The following CEACAM18 variants were observed in gnomAD, a reference collection of about 807,000 sequenced individuals.
CEACAM18 encodes the protein cell adhesion molecule CEACAM18.
CEACAM18 carries 33 observed loss-of-function variants against 34.3 expected under a neutral mutation model. The ratio of observed to expected loss-of-function variants is 0.96; its 90% CI spans 0.73 to 1.29. The LOEUF is 1.29. Ranked by LOEUF, CEACAM18 falls within the 50% of genes most tolerant of loss-of-function variation. The pLI is 0.00. For synonymous variants in CEACAM18, 169 were observed against 180.9 expected (o/e 0.93, Z 0.53); for missense variants, 474 against 485.0 (o/e 0.98, Z 0.21).
chr19:51,488,919 A>G (rs1990045201), intron 5 of CEACAM18, among the ~76,000 whole-genome samples: 1 of 152,076 alleles, frequency 6.6e-6, no homozygotes, highest in South Asian at 2.1e-4. Flanking sequence ...ATAAACATGT[A>G]TAAAATATAG....
At chr19:51,481,587 G>A in exon 3 of CEACAM18, 1 of 1,614,006 alleles carries the variant, frequency 6.2e-7, no homozygotes, top group African/African-American at 1.3e-5. Flanking sequence ...CAGCCGCTAT[G>A]ACAGAACAAT....
chr19:51,486,215 A>AC (rs1989997792), intron 5 of CEACAM18, among the ~76,000 whole-genome samples: 1 of 151,964 alleles, frequency 6.6e-6, no homozygotes, highest in Non-Finnish European at 1.5e-5. Flanking sequence ...TGATGATGAC[A>AC]ATGGTGATGA....
intron 5 of CEACAM18, among the ~76,000 whole-genome samples, chr19:51,487,630 A>G (rs12327789): frequency 0.079 from 11,938 of 152,000 alleles, 576 homozygotes; most frequent in African/African-American, 0.13. Flanking sequence ...GCCAAGTGTG[A>G]TGGCAGTCAC....
chr19:51,482,966 GA>G (rs1283042430), intron 3 of CEACAM18, 50 bp from the exon 4 acceptor site: 5 of 1,588,586 alleles, frequency 3.1e-6, no homozygotes, highest in Non-Finnish European at 3.4e-6. Context: ...CATGAGACGG[GA>G]CGCCGAGGGG....
intron 5 of CEACAM18, 95 bp downstream of exon 5, chr19:51,485,217 G>A: frequency 7.8e-7 from 1 of 1,282,340 alleles, no homozygotes; most frequent in East Asian, 2.6e-5. Flanking sequence ...GAGCCAGAAG[G>A]GGAGGGATAA....
At chr19:51,490,174 G>C (rs907695726) in intron 5 of CEACAM18, among the ~76,000 whole-genome samples, 1 of 152,196 alleles carries the variant, frequency 6.6e-6, no homozygotes, top group Non-Finnish European at 1.5e-5. Context: ...ATGGGTTAAA[G>C]TATCTGTCTT....
Position 51,480,524 on chromosome 19 carries a change from C to T in CEACAM18, c.244C>T (p.Gln82Ter). 1 of 1,613,990 alleles carries T rather than the reference C, an allele frequency of 6.2e-7. No homozygotes were observed. Among genetic ancestry groups the T allele is most frequent in the South Asian group, 1.1e-5 (1 of 91,078 alleles). Reference sequence around the variant, plus strand: ...TATCAGCCACAAACCGCCCAGTGCCCAGCAGCCTGGGCCCATGTACACTGG... The same window carrying T: ...TATCAGCCACAAACCGCCCAGTGCCTAGCAGCCTGGGCCCATGTACACTGG... The change falls in exon 2 of 6, where the codon CAG becomes TAG. Residue 82 changes from glutamine (Q) to a stop codon, truncating the protein, a stop_gained. Coordinates refer to ENST00000396477, the Ensembl canonical transcript of CEACAM18. LOFTEE classifies it high-confidence loss of function.
chr19:51,481,749 C>T, intron 3 of CEACAM18, 84 bp downstream of exon 3: 36 of 1,420,434 alleles, frequency 2.5e-5, no homozygotes, highest in South Asian at 1.1e-4. Flanking sequence ...ACAGGCTGAG[C>T]TGGAGAGAGG....
At chr19:51,487,964 T>A (rs1046459147) in intron 5 of CEACAM18, among the ~76,000 whole-genome samples, 1 of 152,196 alleles carries the variant, frequency 6.6e-6, no homozygotes, top group Non-Finnish European at 1.5e-5. Context: ...ATAGACCATT[T>A]CGTCATTGCC....
intron 5 of CEACAM18, among the ~76,000 whole-genome samples, chr19:51,486,406 A>C (rs939371383): frequency 1.3e-5 from 2 of 152,102 alleles, no homozygotes; most frequent in African/African-American, 2.4e-5. Flanking sequence ...TCCTAGACCA[A>C]GGGTGCAGCT....
chr19:51,480,630 TG>T lies in CEACAM18; in HGVS notation c.352del (p.Val118LeufsTer16), dbSNP rs778555700. The T allele has an allele frequency of 6.2e-7, 1 of 1,613,832 alleles. No individual in the cohort carries two copies. Among genetic ancestry groups the T allele is most frequent in the African/African-American group, 1.3e-5 (1 of 74,990 alleles). On this transcript the variant is annotated frameshift_variant, in exon 2 of 6. Coordinates refer to ENST00000396477, the Ensembl canonical transcript of CEACAM18. LOFTEE classifies it high-confidence loss of function. ...GACACGGGAAACTACACTGTTCGGGTGGTTGCAGGCAATGAGACCCAAAGAG... is the reference window on the plus strand; with the variant it reads ...GACACGGGAAACTACACTGTTCGGGTGTTGCAGGCAATGAGACCCAAAGAG...
At chr19:51,486,710 C>CTTTTTTTTTTTTTTTT (rs1327201659) in intron 5 of CEACAM18, among the ~76,000 whole-genome samples, 2 of 144,434 alleles carry the variant, frequency 1.4e-5, no homozygotes, top group Admixed American at 7.0e-5. Flanking sequence ...TTCTTTCTTT[C>CTTTTTTTTTTTTTTTT]TTTCTTTTCT....
At chr19:51,480,549 G>T (rs768018973) in exon 2 of CEACAM18, 1 of 1,614,002 alleles carries the variant, frequency 6.2e-7, no homozygotes, top group Non-Finnish European at 8.5e-7. Context: ...ATGTACACTG[G>T]CAGGGAGAGA....
chr19:51,488,527 TAA>T (rs1990039897), intron 5 of CEACAM18, among the ~76,000 whole-genome samples: 1 of 152,206 alleles, frequency 6.6e-6, no homozygotes, highest in South Asian at 2.1e-4. Context: ...GTTCAATATC[TAA>T]ATACAAGACC....
exon 3 of CEACAM18, chr19:51,481,501 T>A: frequency 6.2e-7 from 1 of 1,614,058 alleles, no homozygotes; most frequent in Non-Finnish European, 8.5e-7. Context: ...ACGTGGTATG[T>A]GAATGATGTG....
At chr19:51,479,121 C>T (rs1427764560) in intron 1 of CEACAM18, among the ~76,000 whole-genome samples, 2 of 152,090 alleles carry the variant, frequency 1.3e-5, no homozygotes, top group African/African-American at 4.8e-5. Flanking sequence ...GGCCAGATTC[C>T]TTCCCAGCCC....
intron 3 of CEACAM18, among the ~76,000 whole-genome samples, chr19:51,482,655 C>A (rs1989935823): frequency 6.6e-6 from 1 of 152,188 alleles, no homozygotes; most frequent in African/African-American, 2.4e-5. Flanking sequence ...CATTGTTTTC[C>A]ATCTATAAAA....
Position 51,481,682 on chromosome 19 carries a change from C to G in CEACAM18, c.673+17C>G. 4 of 1,603,176 alleles carry G rather than the reference C, an allele frequency of 2.5e-6. No individual in the cohort carries two copies. The highest frequency in any genetic ancestry group is 2.6e-6 in the Non-Finnish European group (3 of 1,172,796). On this transcript the variant is annotated intron_variant, in intron 3 of 5. Transcript: ENST00000396477. ...CTGTGGCCTGTGAGTGGTCTGGGCTCCTGGGACTGAAGCCAGGGCTGGTCT... is the reference window on the plus strand; with the variant it reads ...CTGTGGCCTGTGAGTGGTCTGGGCTGCTGGGACTGAAGCCAGGGCTGGTCT...
chr19:51,479,204 G>A (rs376496260), intron 1 of CEACAM18, among the ~76,000 whole-genome samples: 2 of 151,832 alleles, frequency 1.3e-5, no homozygotes, highest in African/African-American at 4.8e-5. Context: ...TACTGTCCTT[G>A]AACAGGTCCA....
Sources: allele counts gnomAD v4.1 joint callset (sites outside exome capture counted in the v4.1 genomes callset), GRCh38; gene constraint gnomAD v4.1.1; transcripts MANE v1.5; gene names NCBI Gene and HGNC (gene_info 2026-07-23, HGNC 2026-07-21).